The following THSD7B variants were observed in gnomAD, a reference collection of about 807,000 sequenced individuals.
The protein encoded by THSD7B is thrombospondin type-1 domain-containing protein 7B.
A neutral mutation model predicts 213.6 loss-of-function variants in THSD7B; 138 were observed. That is an observed-to-expected ratio of 0.65 (90% CI 0.56 to 0.74). The LOEUF is 0.74. Ranked by LOEUF, THSD7B falls within the 30% of genes least tolerant of loss-of-function variation. THSD7B has a pLI of 0.00. For synonymous variants in THSD7B, 742 were observed against 687.0 expected (o/e 1.08, Z -1.25); for missense variants, 1,931 against 1,991.5 (o/e 0.97, Z 0.58).
intron 3 of THSD7B, among the ~76,000 whole-genome samples, chr2:137,061,015 A>G (rs1374791851): frequency 2.6e-5 from 4 of 151,148 alleles, no homozygotes; most frequent in Non-Finnish European, 4.4e-5. Context: ...ATTCTTGTTT[A>G]TTTTGTCAGG....
chr2:137,316,311 A>T (rs1005928511), intron 12 of THSD7B, among the ~76,000 whole-genome samples: 2 of 152,248 alleles, frequency 1.3e-5, no homozygotes, highest in Non-Finnish European at 2.9e-5. Context: ...CACAGTCCTC[A>T]TTTTGTGCTA....
intron 12 of THSD7B, among the ~76,000 whole-genome samples, chr2:137,372,245 G>A (rs923679893): frequency 6.7e-6 from 1 of 148,368 alleles, no homozygotes; most frequent in African/African-American, 2.5e-5. Context: ...AGGAGTTTCA[G>A]CATTCAGCAT....
chr2:137,289,532 A>G (rs1404039824), intron 12 of THSD7B, among the ~76,000 whole-genome samples: 1 of 152,122 alleles, frequency 6.6e-6, no homozygotes, highest in Non-Finnish European at 1.5e-5. Context: ...GATATTGTCA[A>G]ATGTTTGTAA....
At chr2:137,257,104 A>G (rs1003421274) in intron 10 of THSD7B, among the ~76,000 whole-genome samples, 3 of 152,196 alleles carry the variant, frequency 2.0e-5, no homozygotes, top group Non-Finnish European at 4.4e-5. Context: ...CCATTAATCC[A>G]TAAATAAAAT....
chr2:137,086,347 A>C (rs80151434), intron 3 of THSD7B, among the ~76,000 whole-genome samples: 1 of 151,946 alleles, frequency 6.6e-6, no homozygotes, highest in African/African-American at 2.4e-5. Flanking sequence ...CCCCACCACC[A>C]AAAAAAGTCT....
At chr2:137,322,510 A>G (rs1451432797) in intron 12 of THSD7B, among the ~76,000 whole-genome samples, 1 of 152,130 alleles carries the variant, frequency 6.6e-6, no homozygotes, top group African/African-American at 2.4e-5. Flanking sequence ...CTCCCATTTT[A>G]TATATAACGA....
intron 5 of THSD7B, among the ~76,000 whole-genome samples, chr2:137,151,912 G>A (rs1399599033): frequency 6.6e-6 from 1 of 152,030 alleles, no homozygotes; most frequent in East Asian, 1.9e-4. Flanking sequence ...TTGAGGTGAA[G>A]TGTCATTATG....
intron 20 of THSD7B, among the ~76,000 whole-genome samples, chr2:137,627,021 T>A (rs1166732999): frequency 2.6e-5 from 4 of 152,184 alleles, no homozygotes; most frequent in Non-Finnish European, 5.9e-5. Flanking sequence ...AGTTCAAGAT[T>A]GGGCAGCTGC....
chr2:137,313,252 T>C (rs184136162), intron 12 of THSD7B, among the ~76,000 whole-genome samples: 10,591 of 151,622 alleles, frequency 0.07, 529 homozygotes, highest in African/African-American at 0.12. Context: ...ATCCCTTTAC[T>C]ATTATGTAAT....
chr2:137,082,301 G>A (rs1398847531), intron 3 of THSD7B, among the ~76,000 whole-genome samples: 1 of 152,074 alleles, frequency 6.6e-6, no homozygotes, highest in Non-Finnish European at 1.5e-5. Flanking sequence ...TTGAAAGTGT[G>A]TATATGTGTG....
chr2:137,584,389 T>C (rs1250859691), intron 17 of THSD7B, among the ~76,000 whole-genome samples: 2 of 152,144 alleles, frequency 1.3e-5, no homozygotes, highest in African/African-American at 4.8e-5. Context: ...ACGAGTGGTG[T>C]GAGAGGACAT....
intron 2 of THSD7B, among the ~76,000 whole-genome samples, chr2:136,891,523 CAAATACAGTGGTTTAA>C (rs1683859029): frequency 6.6e-6 from 1 of 152,150 alleles, no homozygotes. Context: ...AAGATGCTCC[CAAATACAGTGGTTTAA>C]AAAGATAGAA....
chr2:137,676,417 T>G (rs1320035550), intron 27 of THSD7B, 107 bp from the exon 28 acceptor site: 25 of 1,022,772 alleles, frequency 2.4e-5, no homozygotes, highest in Non-Finnish European at 5.7e-6. Context: ...GAAATGAATC[T>G]TTTTGTCATT....
chr2:137,456,527 G>A (rs1485427216), intron 15 of THSD7B, among the ~76,000 whole-genome samples: 1 of 152,152 alleles, frequency 6.6e-6, no homozygotes, highest in African/African-American at 2.4e-5. Flanking sequence ...CCTGACCTAG[G>A]CCTGATCATT....
chr2:136,917,839 G>A (rs1014807976), intron 2 of THSD7B, among the ~76,000 whole-genome samples: 6 of 152,156 alleles, frequency 3.9e-5, no homozygotes, highest in South Asian at 4.1e-4. Context: ...CGCCTTGAGC[G>A]ATTTCTTTAC....
Position 137,659,591 on chromosome 2 carries a change from TA to T in THSD7B, c.4376-64del, listed in dbSNP as rs202106532. ...TTGCAAAGAGGCCGGTGGCACAGGT[TA>T]AAAAAAAATACCAAAAAATTAGAAA... On this transcript the variant is annotated intron_variant, in intron 24 of 27. Coordinates refer to ENST00000409968, the MANE Select transcript of THSD7B (RefSeq NM_001316349.2). 5,263 of 1,345,226 alleles carry T rather than the reference TA, an allele frequency of 3.9e-3. 20 individuals are homozygous for T. The highest frequency in any genetic ancestry group is 0.027 in the African/African-American group (1,816 of 66,970). The allele number at this position is 1,345,226 out of a possible 1,614,324, so 83.3% of individuals were successfully genotyped here. A position where few individuals can be genotyped will look rare whatever the true frequency, so the allele number is the denominator to read the frequency against.
chr2:137,638,171 C>T lies in THSD7B; in HGVS notation c.3800-4317C>T, dbSNP rs185584974. On this transcript the variant is annotated intron_variant, in intron 20 of 27. Transcript: ENST00000409968. Reference sequence around the variant, plus strand: ...GTATCATCACTGAAAGAAATTTTACCGCTGATATGGTTTGGCTGTGTCCCC... The same window carrying T: ...GTATCATCACTGAAAGAAATTTTACTGCTGATATGGTTTGGCTGTGTCCCC... Among the ~76,000 whole-genome samples the T allele has an allele frequency of 4.7e-3, 713 of 152,186 alleles. 6 individuals are homozygous for T. The highest frequency in any genetic ancestry group is 4.2e-3 in the Non-Finnish European group (286 of 68,004).
intron 3 of THSD7B, among the ~76,000 whole-genome samples, chr2:137,072,193 T>A (rs2104893033): frequency 6.6e-6 from 1 of 152,306 alleles, no homozygotes; most frequent in African/African-American, 2.4e-5. Flanking sequence ...TAAATTACCT[T>A]GGGCAGTATG....
chr2:136,952,266 A>G (rs1281377397), intron 2 of THSD7B, among the ~76,000 whole-genome samples: 1 of 152,194 alleles, frequency 6.6e-6, no homozygotes, highest in Non-Finnish European at 1.5e-5. Flanking sequence ...TTAACAAAAC[A>G]TATTTTACTG....
Sources: allele counts gnomAD v4.1 joint callset (sites outside exome capture counted in the v4.1 genomes callset), GRCh38; gene constraint gnomAD v4.1.1; transcripts MANE v1.5; gene names NCBI Gene and HGNC (gene_info 2026-07-23, HGNC 2026-07-21).